The following DOCK1 variants were observed in gnomAD, a reference collection of about 807,000 sequenced individuals.
The protein encoded by DOCK1 is dedicator of cytokinesis 1, also known as dedicator of cytokinesis protein 1.
Under a neutral mutation model 262.7 loss-of-function variants are expected in DOCK1, and 138 were observed. The ratio of observed to expected loss-of-function variants is 0.53; its 90% CI spans 0.46 to 0.61. The LOEUF (loss-of-function observed/expected upper bound fraction) is 0.61, where lower values mean the gene tolerates loss of function less well. Among genes scored for constraint, DOCK1 ranks in the 20% least tolerant of loss-of-function variants. The pLI, the probability that DOCK1 is intolerant of heterozygous loss-of-function variation, is 0.00. For synonymous variants in DOCK1, 866 were observed against 867.4 expected (o/e 1.00, Z 0.03); for missense variants, 1,908 against 2,370.7 (o/e 0.80, Z 4.05).
At chr10:127,202,049 A>G (rs1262435579) in intron 27 of DOCK1, among the ~76,000 whole-genome samples, 1 of 152,128 alleles carries the variant, frequency 6.6e-6, no homozygotes, top group Non-Finnish European at 1.5e-5. Flanking sequence ...GGAGCCAGGC[A>G]CGGTGGCTTA....
chr10:126,996,134 A>C (rs2040172385), intron 6 of DOCK1, among the ~76,000 whole-genome samples: 1 of 152,124 alleles, frequency 6.6e-6, no homozygotes, highest in Admixed American at 6.5e-5. Context: ...TAATCCCAGC[A>C]CTTTGGGAGG....
At chr10:127,033,104 TA>T (rs1171573041) in intron 18 of DOCK1, among the ~76,000 whole-genome samples, 1 of 152,222 alleles carries the variant, frequency 6.6e-6, no homozygotes, top group African/African-American at 2.4e-5. Flanking sequence ...TAGTGAGGGT[TA>T]CATGAACAGT....
At chr10:126,949,252 G>C (rs2035953963) in intron 1 of DOCK1, among the ~76,000 whole-genome samples, 1 of 152,114 alleles carries the variant, frequency 6.6e-6, no homozygotes, top group Non-Finnish European at 1.5e-5. Context: ...CTCTCCTGCA[G>C]CCCTCTCCCT....
At chr10:126,970,884 A>G in intron 2 of DOCK1, 99 bp downstream of exon 2, 5 of 1,343,600 alleles carry the variant, frequency 3.7e-6, no homozygotes, top group Non-Finnish European at 5.1e-6. Flanking sequence ...ACAGACACAT[A>G]AGACAGTCAT....
chr10:127,120,532 T>C (rs1013791715), intron 25 of DOCK1, among the ~76,000 whole-genome samples: 1 of 152,210 alleles, frequency 6.6e-6, no homozygotes, highest in Non-Finnish European at 1.5e-5. Flanking sequence ...TTTTATGATA[T>C]GAAGTCTCTG....
chr10:127,085,588 T>C (rs1277551974), intron 23 of DOCK1, among the ~76,000 whole-genome samples: 1 of 152,128 alleles, frequency 6.6e-6, no homozygotes, highest in Non-Finnish European at 1.5e-5. Flanking sequence ...TGAAACCCCA[T>C]CTCTGCTGAA....
At chr10:127,253,137 T>C (rs2059710245) in intron 28 of DOCK1, among the ~76,000 whole-genome samples, 4 of 152,170 alleles carry the variant, frequency 2.6e-5, no homozygotes, top group Non-Finnish European at 2.9e-5. Flanking sequence ...TAGAATCTTC[T>C]ACACTGGAGA....
intron 27 of DOCK1, among the ~76,000 whole-genome samples, chr10:127,144,195 T>C (rs1452456320): frequency 6.6e-6 from 1 of 152,142 alleles, no homozygotes; most frequent in Non-Finnish European, 1.5e-5. Context: ...AGAGTCACCT[T>C]AGGAAAACTG....
intron 23 of DOCK1, among the ~76,000 whole-genome samples, chr10:127,086,395 G>C (rs2047202003): frequency 6.6e-6 from 1 of 152,166 alleles, no homozygotes; most frequent in African/African-American, 2.4e-5. Flanking sequence ...ACATTTGCTT[G>C]AAACCTCCAT....
chr10:127,151,386 C>T (rs988014754), intron 27 of DOCK1, among the ~76,000 whole-genome samples: 2 of 152,100 alleles, frequency 1.3e-5, no homozygotes, highest in Non-Finnish European at 2.9e-5. Context: ...GTCCTGGGAC[C>T]AAAAGCCTTC....
intron 27 of DOCK1, among the ~76,000 whole-genome samples, chr10:127,160,324 C>A (rs2053487913): frequency 6.6e-6 from 1 of 152,156 alleles, no homozygotes; most frequent in Admixed American, 6.5e-5. Flanking sequence ...AGTCTCACAA[C>A]ACTGTTTCCT....
chr10:127,315,039 G>A (rs747057665), intron 29 of DOCK1, among the ~76,000 whole-genome samples: 1 of 152,084 alleles, frequency 6.6e-6, no homozygotes, highest in Admixed American at 6.5e-5. Flanking sequence ...AAGCAAATCC[G>A]CTCCTCCTGG....
In DOCK1 at chr10:127,176,463, G is replaced by A. The variant is rs1237072796; in HGVS notation, c.2847+48699G>A. ...AGAAATACACACTCAAGCACCGGCC[G>A]CACAAACTTTTAGCCACCACGACGA... On this transcript the variant is annotated intron_variant, in intron 27 of 51. Coordinates refer to ENST00000623213, the MANE Select transcript of DOCK1 (RefSeq NM_001290223.2). The surrounding 1 kb of genome is among the most constrained non-coding windows in gnomAD (Gnocchi z 4.4). 40 of 1,377,422 alleles carry A rather than the reference G, an allele frequency of 2.9e-5. No homozygotes were observed. Among genetic ancestry groups the A allele is most frequent in the East Asian group, 6.9e-5 (3 of 43,214 alleles). 85.3% of individuals were successfully genotyped at this position (1,377,422 alleles called of 1,614,324 possible).
In DOCK1 at chr10:126,998,032, A is replaced by C. The variant is rs1439851064; in HGVS notation, c.610-60A>C. 5.0e-6 allele frequency: 8 copies of C among 1,593,830 alleles called. No individual in the cohort carries two copies. The East Asian group carries it at 9.0e-5, about 18-fold the overall frequency. On this transcript the variant is annotated intron_variant, in intron 7 of 51. Coordinates refer to ENST00000623213, the MANE Select transcript of DOCK1 (RefSeq NM_001290223.2). The stretch of plus-strand genomic sequence containing the variant: ...ATTTTCTATTCTGTAGGGAATAAAG[A>C]AAGCAAGTGTCAGTGATGAGTGTTG...
intron 47 of DOCK1, among the ~76,000 whole-genome samples, chr10:127,428,127 C>T (rs2068941504): frequency 6.6e-6 from 1 of 152,228 alleles, no homozygotes; most frequent in Non-Finnish European, 1.5e-5. Flanking sequence ...TTTCGGAGTG[C>T]GTCACATCGC....
chr10:126,949,093 G>T (rs886329644), intron 1 of DOCK1, among the ~76,000 whole-genome samples: 108 of 152,184 alleles, frequency 7.1e-4, no homozygotes, highest in Admixed American at 1.6e-3. Flanking sequence ...ACGTTCTGCT[G>T]GGGGGAGGTG....
At chr10:127,135,522 A>G (rs747794032) in intron 27 of DOCK1, 16 of 152,680 alleles carry the variant, frequency 1.0e-4, no homozygotes, top group African/African-American at 3.9e-4. Flanking sequence ...GTACATCTAC[A>G]TAAGGGAACC....
intron 27 of DOCK1, among the ~76,000 whole-genome samples, chr10:127,226,465 T>A (rs2058644137): frequency 6.6e-6 from 1 of 151,122 alleles, no homozygotes; most frequent in African/African-American, 2.4e-5. Context: ...TGTGGGAAGC[T>A]GGGCACAGTG....
intron 2 of DOCK1, 87 bp from the exon 3 acceptor site, chr10:126,977,861 A>G (rs756999616): frequency 1.6e-5 from 21 of 1,348,588 alleles, no homozygotes; most frequent in East Asian, 2.3e-5. Context: ...GGTTCTGCCA[A>G]ACAGTGAGTT....
Sources: allele counts gnomAD v4.1 joint callset (sites outside exome capture counted in the v4.1 genomes callset), GRCh38; gene constraint gnomAD v4.1.1; non-coding constraint Gnocchi (gnomAD v3.1); transcripts MANE v1.5; gene names NCBI Gene and HGNC (gene_info 2026-07-23, HGNC 2026-07-21).